Variants in KIF13A observed in about 807,000 individuals in gnomAD.
KIF13A encodes the protein kinesin family member 13A, also known as kinesin-like protein KIF13A.
Under a neutral mutation model 212.2 loss-of-function variants are expected in KIF13A, and 79 were observed. That is an observed-to-expected ratio of 0.37 (90% CI 0.31 to 0.45). The LOEUF (loss-of-function observed/expected upper bound fraction) is 0.45, where lower values mean the gene tolerates loss of function less well. KIF13A is among the 20% of genes least tolerant of loss of function. The pLI is 1.00. For synonymous variants in KIF13A, 789 were observed against 808.6 expected, an observed-to-expected ratio of 0.98 and a Z score of 0.41; for missense variants, 1,901 against 2,209.0, an observed-to-expected ratio of 0.86 and a Z score of 2.79.
Position 17,897,317 on chromosome 6 carries a change from C to A in KIF13A, c.159+851G>T, listed in dbSNP as rs1464435716. Among the ~76,000 whole-genome samples, 5 of 152,166 alleles carry A rather than the reference C, an allele frequency of 3.3e-5. No individual in the cohort carries two copies. On this transcript the variant is annotated intron_variant, in intron 3 of 38. Coordinates refer to ENST00000259711, the MANE Select transcript of KIF13A (RefSeq NM_022113.6). The surrounding 1 kb of genome is among the most constrained non-coding windows in gnomAD (Gnocchi z 4.8). Reference sequence around the variant, plus strand: ...GACCATATAATTTGTGTAGGTAAAGCCTGTTCTAATCCTATCTCAAGAACC... The same window carrying A: ...GACCATATAATTTGTGTAGGTAAAGACTGTTCTAATCCTATCTCAAGAACC...
intron 17 of KIF13A, chr6:17,815,645 A>G: frequency 2.3e-6 from 1 of 434,508 alleles, no homozygotes; most frequent in Admixed American, 2.4e-5. Context: ...TAACTGTAGA[A>G]CAAAGATTAT....
rs1289551436 is a variant in KIF13A at position 17,950,240 on chromosome 6, T to C, written c.146+36814A>G. ...GATTTTTCCTGTTGATCTCCATAAA[T>C]ACAAAATTACAAATCTCTGCTTCCT... On this transcript the variant is annotated intron_variant, in intron 2 of 38. Transcript: ENST00000259711. 4.6e-5 allele frequency among the ~76,000 whole-genome samples: 7 copies of C among 152,062 alleles called. No homozygotes were observed. In the South Asian group the frequency reaches 1.0e-3, roughly 23 times the overall value.
chr6:17,866,456 C>G (rs1769378652), intron 4 of KIF13A, among the ~76,000 whole-genome samples: 1 of 152,108 alleles, frequency 6.6e-6, no homozygotes, highest in African/African-American at 2.4e-5. Flanking sequence ...TTTTCACCAG[C>G]ATACATGTCA....
intron 2 of KIF13A, among the ~76,000 whole-genome samples, chr6:17,932,064 C>G (rs1336843808): frequency 6.6e-6 from 1 of 152,092 alleles, no homozygotes; most frequent in Non-Finnish European, 1.5e-5. Context: ...ATAAGAAACT[C>G]TAGGGGAAGA....
rs960657945 is a variant in KIF13A at position 17,843,914 on chromosome 6, G to T, written c.830+5463C>A. Among the ~76,000 whole-genome samples the T allele has an allele frequency of 6.6e-6, 1 of 151,784 alleles. No homozygotes were observed. Among genetic ancestry groups the T allele is most frequent in the East Asian group, 1.9e-4 (1 of 5,170 alleles). Reference sequence around the variant, plus strand: ...ACAAAAATTAACTGAGCGTGGTGGCGCACGCCTATAATCCCAGCTACTCGG... The same window carrying T: ...ACAAAAATTAACTGAGCGTGGTGGCTCACGCCTATAATCCCAGCTACTCGG... On this transcript the variant is annotated intron_variant, in intron 9 of 38. Transcript: ENST00000259711. This position sits in a 1 kb window ranked among gnomAD's most constrained non-coding sequence, Gnocchi z 5.3.
chr6:17,858,057 T>C (rs956532865), intron 4 of KIF13A, among the ~76,000 whole-genome samples: 11 of 151,478 alleles, frequency 7.3e-5, no homozygotes, highest in Non-Finnish European at 7.4e-5. Flanking sequence ...GTGCATATAA[T>C]GTAAAACCTT....
rs116238693 is a variant in KIF13A at position 17,845,989 on chromosome 6, C to T, written c.830+3388G>A. 3.5e-3 allele frequency among the ~76,000 whole-genome samples: 516 copies of T among 146,360 alleles called. 6 individuals are homozygous for T. Among genetic ancestry groups the T allele is most frequent in the African/African-American group, 0.012 (468 of 39,526 alleles). On this transcript the variant is annotated intron_variant, in intron 9 of 38. Coordinates refer to ENST00000259711, the MANE Select transcript of KIF13A (RefSeq NM_022113.6). ...TCCAAAGAAACGTTAAGTGGGAGGA[C>T]GAGAGAAAGCTTAAGAACATGTCAG... is the stretch of plus-strand genomic sequence containing the variant.
intron 20 of KIF13A, among the ~76,000 whole-genome samples, chr6:17,801,405 T>C (rs1229665115): frequency 6.6e-6 from 1 of 152,128 alleles, no homozygotes; most frequent in Non-Finnish European, 1.5e-5. Context: ...CTCGGGAGGC[T>C]GTGGCAGGAC....
At chr6:17,931,616 A>T (rs145587765) in intron 2 of KIF13A, among the ~76,000 whole-genome samples, 1,573 of 152,176 alleles carry the variant, frequency 0.01, 14 homozygotes, top group Non-Finnish European at 0.016. Flanking sequence ...AAACTCCTGG[A>T]CTCAAGTGAT....
At chr6:17,784,634 G>A (rs1291846267) in intron 28 of KIF13A, among the ~76,000 whole-genome samples, 1 of 152,198 alleles carries the variant, frequency 6.6e-6, no homozygotes, top group Non-Finnish European at 1.5e-5. Context: ...ATGATCTGAA[G>A]TTTGAAAACA....
chr6:17,797,092 C>T (rs929338510), intron 22 of KIF13A, among the ~76,000 whole-genome samples: 15 of 151,028 alleles, frequency 9.9e-5, no homozygotes, highest in African/African-American at 3.2e-4. Flanking sequence ...TGCAGTGGTG[C>T]GATCTCCGCT....
Position 17,794,787 on chromosome 6 carries a change from CACTT to C in KIF13A, c.2943-87_2943-84del. The C allele has an allele frequency of 7.0e-7, 1 of 1,424,238 alleles. No homozygotes were observed. The highest frequency in any genetic ancestry group is 9.5e-7 in the Non-Finnish European group (1 of 1,049,818). The allele number at this position is 1,424,238 out of a possible 1,614,324, so 88.2% of individuals were successfully genotyped here. On this transcript the variant is annotated intron_variant, in intron 23 of 38. Coordinates refer to ENST00000259711, the MANE Select transcript of KIF13A (RefSeq NM_022113.6). This position sits in a 1 kb window ranked among gnomAD's most constrained non-coding sequence, Gnocchi z 4.1. ...TAGTAATAAGCCACCATTCACTGAG[CACTT>C]ACTATGTGCTAGGCACTGTGCCATT...
intron 9 of KIF13A, among the ~76,000 whole-genome samples, chr6:17,848,384 C>G (rs1279683220): frequency 6.6e-6 from 1 of 152,058 alleles, no homozygotes; most frequent in Admixed American, 6.6e-5. Flanking sequence ...TATCCATTAA[C>G]CAACCTCTCG....
chr6:17,958,384 C>T (rs1778531121), intron 2 of KIF13A, among the ~76,000 whole-genome samples: 1 of 152,190 alleles, frequency 6.6e-6, no homozygotes, highest in African/African-American at 2.4e-5. Context: ...CTTATGTTTG[C>T]ATATGGTGTT....
intron 2 of KIF13A, among the ~76,000 whole-genome samples, chr6:17,976,801 C>CAAAAA (rs998413837): frequency 1.0e-5 from 1 of 98,728 alleles, no homozygotes; most frequent in Non-Finnish European, 2.1e-5. Flanking sequence ...GACTCCATCT[C>CAAAAA]AAAAAAAAAA....
intron 2 of KIF13A, among the ~76,000 whole-genome samples, chr6:17,902,117 C>T (rs1773103054): frequency 6.6e-6 from 1 of 152,154 alleles, no homozygotes; most frequent in Non-Finnish European, 1.5e-5. Context: ...TGATTTTGTT[C>T]AGTAAATATC....
At chr6:17,813,926 G>C (rs1427911682) in intron 17 of KIF13A, among the ~76,000 whole-genome samples, 1 of 149,738 alleles carries the variant, frequency 6.7e-6, no homozygotes, top group African/African-American at 2.5e-5. Flanking sequence ...TGGTATAAAT[G>C]GTCTATAGAT....
chr6:17,931,528 T>A (rs1299968294), intron 2 of KIF13A, among the ~76,000 whole-genome samples: 1 of 152,196 alleles, frequency 6.6e-6, no homozygotes, highest in Non-Finnish European at 1.5e-5. Flanking sequence ...AAATATTGCA[T>A]TCTTGATGCT....
rs1391891384 is a variant in KIF13A at position 17,809,026 on chromosome 6, T to C, written c.2001-96A>G. The stretch of plus-strand genomic sequence containing the variant: ...TTATTAGAAAATGGGAGAAAACTCC[T>C]CTCGGGCAGTATTTTTCAAACTATT... On this transcript the variant is annotated intron_variant, in intron 17 of 38. Transcript: ENST00000259711. This position sits in a 1 kb window ranked among gnomAD's most constrained non-coding sequence, Gnocchi z 4.7. 1 of 1,129,200 alleles carries C rather than the reference T, an allele frequency of 8.9e-7. No individual in the cohort carries two copies. The highest frequency in any genetic ancestry group is 1.2e-6 in the Non-Finnish European group (1 of 819,618). The allele number at this position is 1,129,200 out of a possible 1,614,324, so 69.9% of individuals were successfully genotyped here.
Sources: gnomAD v4.1 joint callset for allele counts (sites outside exome capture counted in the v4.1 genomes callset) on GRCh38, gnomAD v4.1.1 for gene constraint, Gnocchi (gnomAD v3.1) non-coding constraint, MANE v1.5 for transcripts, NCBI Gene and HGNC (gene_info 2026-07-23, HGNC 2026-07-21) for gene names.